The following ARHGAP23 variants were observed in gnomAD, a reference collection of about 807,000 sequenced individuals.
ARHGAP23 encodes Rho GTPase activating protein 23, also known as rho GTPase-activating protein 23.
ARHGAP23 carries 34 observed loss-of-function variants against 136.3 expected under a neutral mutation model. That is an observed-to-expected ratio of 0.25 (90% confidence interval 0.19 to 0.33). The LOEUF (loss-of-function observed/expected upper bound fraction) is 0.33. Among genes scored for constraint, ARHGAP23 ranks in the 10% least tolerant of loss-of-function variants. The pLI is 1.00. For synonymous variants in ARHGAP23, 832 were observed against 920.5 expected, an observed-to-expected ratio of 0.90 and a Z score of 1.74; for missense variants, 1,808 against 2,139.0, an observed-to-expected ratio of 0.85 and a Z score of 3.05.
chr17:38,483,667 A>C (rs2040096967), intron 16 of ARHGAP23, among the ~76,000 whole-genome samples: 1 of 152,250 alleles, frequency 6.6e-6, no homozygotes, highest in Admixed American at 6.5e-5. Context: ...TCCTTGGAGA[A>C]TGAGGAGCTG....
Position 38,510,784 on chromosome 17 carries a change from C to A in ARHGAP23, c.4288C>A (p.Pro1430Thr). ...GTGGAAGGAGCTGGGCGGAGGGGGCCCCCCGGAGCCTGCGGGCGCGCGGGC... is the reference window on the plus strand; with the variant it reads ...GTGGAAGGAGCTGGGCGGAGGGGGCACCCCGGAGCCTGCGGGCGCGCGGGC... ...NEWKELGGGG[P>T]PEPAGARAHS... Residue 1430 changes from proline to threonine, a missense_variant, in exon 24 of 24, where the codon CCC (proline) becomes ACC (threonine). Around this residue, in one of 7 missense-constraint regions of ARHGAP23, gnomAD observed 506 missense variants for 455.8 expected, o/e 1.11. Transcript: ENST00000622683. This position sits in a 1 kb window ranked among gnomAD's most constrained non-coding sequence, Gnocchi z 4.6. The A allele has an allele frequency of 6.7e-7, 1 of 1,500,104 alleles. No homozygotes were observed. The highest frequency in any genetic ancestry group is 1.3e-5 in the South Asian group (1 of 79,210). The allele number at this position is 1,500,104 out of a possible 1,614,324, so 92.9% of individuals were successfully genotyped here.
Position 38,510,344 on chromosome 17 carries a change from GC to G in ARHGAP23, c.3850del (p.His1284ThrfsTer18). 8.0e-7 allele frequency: 1 copy of G among 1,253,550 alleles called. No individual in the cohort carries two copies. Among genetic ancestry groups the G allele is most frequent in the Non-Finnish European group, 1.0e-6 (1 of 999,984 alleles). 77.7% of individuals were successfully genotyped at this position (1,253,550 alleles called of 1,614,324 possible). On this transcript the variant is annotated frameshift_variant, in exon 24 of 24. Coordinates refer to ENST00000622683, the MANE Select transcript of ARHGAP23 (RefSeq NM_001199417.2). LOFTEE classifies it high-confidence loss of function. The surrounding 1 kb of genome is among the most constrained non-coding windows in gnomAD (Gnocchi z 4.6). ...DEADDERSEL[S>X]HVETDTEGAA... ...GCGGACGACGAGCGTAGCGAGCTGA[GC>G]CACGTGGAGACGGACACTGAGGGCG...
chr17:38,438,787 C>T (rs2038859548), intron 1 of ARHGAP23, among the ~76,000 whole-genome samples: 1 of 151,908 alleles, frequency 6.6e-6, no homozygotes, highest in Admixed American at 6.6e-5. Context: ...AGTTTGAGAC[C>T]AGCCTGACCA....
At chr17:38,483,124 T>C (rs570039203) in intron 16 of ARHGAP23, among the ~76,000 whole-genome samples, 4 of 152,268 alleles carry the variant, frequency 2.6e-5, no homozygotes, top group African/African-American at 7.2e-5. Flanking sequence ...TCTGTTGCGT[T>C]CCCCCCTTCT....
At chr17:38,473,800 G>T (rs944437412) in intron 11 of ARHGAP23, among the ~76,000 whole-genome samples, 2 of 152,170 alleles carry the variant, frequency 1.3e-5, no homozygotes, top group African/African-American at 4.8e-5. Flanking sequence ...AGAGGGTCCT[G>T]GGGAGAGGGG....
intron 1 of ARHGAP23, among the ~76,000 whole-genome samples, chr17:38,454,835 C>A (rs1222561852): frequency 6.6e-6 from 1 of 152,238 alleles, no homozygotes; most frequent in Non-Finnish European, 1.5e-5. Flanking sequence ...GCCAACCCAC[C>A]ACGTGTCCAC....
intron 1 of ARHGAP23, among the ~76,000 whole-genome samples, chr17:38,455,464 C>T (rs1331187516): frequency 1.3e-5 from 2 of 152,236 alleles, no homozygotes; most frequent in African/African-American, 2.4e-5. Flanking sequence ...GAAGGCATGC[C>T]TCCTACCCTG....
chr17:38,432,140 C>G (rs547420665), intron 1 of ARHGAP23, among the ~76,000 whole-genome samples: 45 of 152,338 alleles, frequency 3.0e-4, no homozygotes, highest in African/African-American at 1.1e-3. Context: ...TCTACCCTAC[C>G]AGGTAGGAGT....
chr17:38,427,932 T>G (rs528158670), upstream of ARHGAP23, among the ~76,000 whole-genome samples: 126 of 152,218 alleles, frequency 8.3e-4, no homozygotes, highest in African/African-American at 3.0e-3. Flanking sequence ...TTTTCTGTCT[T>G]CCCCCCTTTC....
intron 1 of ARHGAP23, chr17:38,451,160 GC>G (rs756407049): frequency 1.3e-5 from 2 of 152,234 alleles, no homozygotes; most frequent in Non-Finnish European, 2.9e-5. Context: ...GGCTCCCCAG[GC>G]CTGGAGGATC....
Position 38,510,133 on chromosome 17 carries a change from C to T in ARHGAP23, c.3637C>T (p.Pro1213Ser). The T allele has an allele frequency of 2.4e-6, 3 of 1,268,472 alleles. No homozygotes were observed. The highest frequency in any genetic ancestry group is 3.0e-6 in the Non-Finnish European group (3 of 1,013,740). 78.6% of individuals were successfully genotyped at this position (1,268,472 alleles called of 1,614,324 possible). The change falls in exon 24 of 24, where the codon CCG (proline) becomes TCG (serine). Residue 1213 changes from proline (P) to serine (S), a missense_variant. Physicochemically the swap from Pro to Ser is moderately conservative, Grantham distance 74 (BLOSUM62 -1). This residue lies in a region of ARHGAP23 where 506 missense variants were observed against 455.8 expected (regional missense o/e 1.11). Transcript: ENST00000622683. The surrounding 1 kb of genome is among the most constrained non-coding windows in gnomAD (Gnocchi z 4.6). ...GATAPGTQERPQGPLPGAVAP... is the reference protein window; with the variant it reads ...GATAPGTQERSQGPLPGAVAP... Reference sequence around the variant, plus strand: ...CACAGCGCCGGGGACTCAGGAGCGGCCGCAGGGGCCGCTGCCTGGCGCCGT... The same window carrying T: ...CACAGCGCCGGGGACTCAGGAGCGGTCGCAGGGGCCGCTGCCTGGCGCCGT...
chr17:38,425,537 C>T (rs72834042), upstream of ARHGAP23, among the ~76,000 whole-genome samples: 14,509 of 152,210 alleles, frequency 0.095, 901 homozygotes, highest in Non-Finnish European at 0.14. Context: ...CCCTCCTCTC[C>T]TCTACCCCCT....
At chr17:38,461,881 C>T (rs2039468062) in intron 3 of ARHGAP23, among the ~76,000 whole-genome samples, 1 of 152,092 alleles carries the variant, frequency 6.6e-6, no homozygotes, top group Admixed American at 6.6e-5. Flanking sequence ...GTGTGTGCTG[C>T]ACATGTGTGT....
chr17:38,428,531 G>A lies in ARHGAP23; in HGVS notation c.46G>A (p.Glu16Lys). ...CCTGGTCGGGATCCCGCCCCGCCCG[G>A]AGCCCCGGCCCCCACAGGTGAGGGT... ...FCLVGIPPRP[E>K]PRPPQLPLGP... Residue 16 changes from glutamate to lysine, a missense_variant, in exon 1 of 24, where the codon GAG becomes AAG. Glu to Lys is a moderately conservative substitution (Grantham distance 56). Around this residue, in one of 7 missense-constraint regions of ARHGAP23, gnomAD observed 859 missense variants for 936.4 expected, o/e 0.92. Transcript: ENST00000622683. The A allele has an allele frequency of 6.9e-7, 1 of 1,454,634 alleles. No homozygotes were observed. Among genetic ancestry groups the A allele is most frequent in the Non-Finnish European group, 9.0e-7 (1 of 1,106,924 alleles). 90.1% of individuals were successfully genotyped at this position (1,454,634 alleles called of 1,614,324 possible).
upstream of ARHGAP23, among the ~76,000 whole-genome samples, chr17:38,423,476 A>G (rs1293719405): frequency 1.3e-5 from 2 of 151,902 alleles, no homozygotes; most frequent in Non-Finnish European, 2.9e-5. Flanking sequence ...AGTTCAAGCA[A>G]TTCTCCTGCC....
intron 1 of ARHGAP23, among the ~76,000 whole-genome samples, chr17:38,440,271 G>A (rs1473572802): frequency 1.3e-5 from 2 of 152,114 alleles, no homozygotes; most frequent in African/African-American, 4.8e-5. Context: ...CTCCGAACTC[G>A]GCCTCCCAAA....
intron 1 of ARHGAP23, among the ~76,000 whole-genome samples, chr17:38,446,961 G>C (rs1277705091): frequency 6.6e-6 from 1 of 152,042 alleles, no homozygotes; most frequent in Non-Finnish European, 1.5e-5. Flanking sequence ...CTACAAGTGT[G>C]TGCCATCACG....
At chr17:38,437,074 G>A (rs1373448632) in intron 1 of ARHGAP23, among the ~76,000 whole-genome samples, 2 of 152,178 alleles carry the variant, frequency 1.3e-5, no homozygotes, top group African/African-American at 4.8e-5. Context: ...TGCAACGACT[G>A]AGACCTGGAG....
intron 16 of ARHGAP23, among the ~76,000 whole-genome samples, chr17:38,485,678 G>A (rs1332221863): frequency 6.6e-6 from 1 of 152,104 alleles, no homozygotes; most frequent in Non-Finnish European, 1.5e-5. Context: ...TCTGGTTGAG[G>A]AAACCAGCAC....
Sources: allele counts gnomAD v4.1 joint callset (sites outside exome capture counted in the v4.1 genomes callset), GRCh38; gene constraint gnomAD v4.1.1; regional missense constraint gnomAD v4.1.1; non-coding constraint Gnocchi (gnomAD v3.1); transcripts MANE v1.5; gene names NCBI Gene and HGNC (gene_info 2026-07-23, HGNC 2026-07-21).